UBE3C: variants seen among roughly 807,000 people sequenced by gnomAD.
UBE3C encodes the protein ubiquitin-protein ligase E3C.
Under a neutral mutation model 129.4 loss-of-function variants are expected in UBE3C, and 42 were observed. The ratio of observed to expected loss-of-function variants is 0.32; its 90% confidence interval spans 0.25 to 0.42. The LOEUF is 0.42. Ranked by LOEUF, UBE3C falls within the 10% of genes least tolerant of loss-of-function variation. The pLI, the probability that UBE3C is intolerant of heterozygous loss-of-function variation, is 1.00. For synonymous variants in UBE3C, 510 were observed against 492.4 expected, an observed-to-expected ratio of 1.04 and a Z score of -0.47; for missense variants, 1,049 against 1,319.1, an observed-to-expected ratio of 0.80 and a Z score of 3.17.
intron 11 of UBE3C, among the ~76,000 whole-genome samples, chr7:157,202,305 A>C (rs1015381096): frequency 3.3e-5 from 5 of 152,192 alleles, no homozygotes; most frequent in African/African-American, 1.2e-4. Flanking sequence ...CATACTTAAA[A>C]TCCTTCATGG....
intron 18 of UBE3C, among the ~76,000 whole-genome samples, chr7:157,237,242 C>T (rs112194007): frequency 0.013 from 2,044 of 151,722 alleles, 29 homozygotes; most frequent in South Asian, 0.047. Flanking sequence ...GAGATCGAGA[C>T]CATCCTGGCT....
At chr7:157,173,453 G>T (rs1441065210) in intron 4 of UBE3C, among the ~76,000 whole-genome samples, 2 of 152,178 alleles carry the variant, frequency 1.3e-5, no homozygotes, top group Non-Finnish European at 2.9e-5. Flanking sequence ...CACATTGTTT[G>T]CCTTCTACTC....
chr7:157,171,092 C>T (rs997248332), intron 4 of UBE3C, among the ~76,000 whole-genome samples: 1 of 149,762 alleles, frequency 6.7e-6, no homozygotes, highest in African/African-American at 2.5e-5. Flanking sequence ...GAATTATAGG[C>T]GTGAGCCACT....
intron 7 of UBE3C, 126 bp from the exon 8 acceptor site, chr7:157,181,982 T>C: frequency 9.7e-7 from 1 of 1,035,802 alleles, no homozygotes; most frequent in Non-Finnish European, 1.4e-6. Context: ...ATTAAAATGG[T>C]TAACTTGGCT....
intron 1 of UBE3C, among the ~76,000 whole-genome samples, chr7:157,144,820 A>C (rs971036630): frequency 2.1e-4 from 32 of 152,218 alleles, no homozygotes; most frequent in African/African-American, 7.5e-4. Context: ...AATGTGGATC[A>C]TCAGTTACAA....
rs1335268845 is a variant in UBE3C at position 157,139,163 on chromosome 7, C to T, written c.-110C>T. On this transcript the variant is annotated 5_prime_UTR_variant, in exon 1 of 23. Transcript: ENST00000348165. ...TCGCCTCCCGGCCGCCGCGTCCTCG[C>T]TGCCCCGGGCCGGGCGGGCGGGCGC... 1.3e-6 allele frequency: 1 copy of T among 755,914 alleles called. No individual in the cohort carries two copies. The highest frequency in any genetic ancestry group is 1.6e-6 in the Non-Finnish European group (1 of 611,244). The allele number at this position is 755,914 out of a possible 1,614,324, so 46.8% of individuals were successfully genotyped here. A position where few individuals can be genotyped will look rare whatever the true frequency, so the allele number is the denominator to read the frequency against.
At chr7:157,234,921 G>A (rs1796115059) in intron 18 of UBE3C, among the ~76,000 whole-genome samples, 1 of 152,154 alleles carries the variant, frequency 6.6e-6, no homozygotes, top group Non-Finnish European at 1.5e-5. Flanking sequence ...GCCAGGCATG[G>A]TGGATCACAC....
intron 1 of UBE3C, among the ~76,000 whole-genome samples, chr7:157,145,550 A>G (rs1807582247): frequency 1.3e-5 from 2 of 152,112 alleles, no homozygotes; most frequent in South Asian, 2.1e-4. Context: ...CTCATTGCAT[A>G]TTCATCCATC....
At chr7:157,253,482 C>A (rs1403920430) in intron 19 of UBE3C, among the ~76,000 whole-genome samples, 1 of 152,166 alleles carries the variant, frequency 6.6e-6, no homozygotes, top group African/African-American at 2.4e-5. Context: ...AATTAAAGTG[C>A]TTTATAGTAA....
At position 157,146,662 on chromosome 7, in the gene UBE3C, C is replaced by CT. The variant is rs199807302; in HGVS notation, c.66+7332dup. On this transcript the variant is annotated intron_variant, in intron 1 of 22. Coordinates refer to ENST00000348165, the MANE Select transcript of UBE3C (RefSeq NM_014671.3). ...TACTTAGTATATATATTAAACTAAA[C>CT]TTTTTTTTAATTTGAGAGGGAGCCT... Among the ~76,000 whole-genome samples, 616 of 151,376 alleles carry CT rather than the reference C, an allele frequency of 4.1e-3. 2 individuals are homozygous for CT. The highest frequency in any genetic ancestry group is 0.014 in the African/African-American group (569 of 41,326).
chr7:157,181,700 G>T, intron 7 of UBE3C, 29 bp downstream of exon 7: 2 of 1,607,386 alleles, frequency 1.2e-6, no homozygotes, highest in Non-Finnish European at 1.7e-6. Flanking sequence ...TATTGATTTT[G>T]TCCTTTCACA....
chr7:157,232,685 A>G (rs1249129782), intron 18 of UBE3C, among the ~76,000 whole-genome samples: 1 of 152,198 alleles, frequency 6.6e-6, no homozygotes, highest in Non-Finnish European at 1.5e-5. Flanking sequence ...TTAGAAATTA[A>G]TGTTGCTATT....
At chr7:157,148,107 G>GTT (rs71303924) in intron 1 of UBE3C, among the ~76,000 whole-genome samples, 1 of 151,920 alleles carries the variant, frequency 6.6e-6, no homozygotes, top group Admixed American at 6.6e-5. Context: ...GTTTTATTTT[G>GTT]TTTTTTTGAG....
intron 10 of UBE3C, among the ~76,000 whole-genome samples, chr7:157,193,921 G>A (rs754741950): frequency 1.3e-4 from 20 of 152,046 alleles, no homozygotes; most frequent in East Asian, 1.9e-4. Context: ...CTCTCCTAAC[G>A]TAAATCTCTA....
At chr7:157,187,404 T>A (rs1223187819) in intron 10 of UBE3C, among the ~76,000 whole-genome samples, 2 of 149,444 alleles carry the variant, frequency 1.3e-5, no homozygotes, top group African/African-American at 2.5e-5. Flanking sequence ...TTCTTCTTCT[T>A]CAGACAGCAT....
chr7:157,210,156 G>A (rs193034853), intron 13 of UBE3C, among the ~76,000 whole-genome samples: 15 of 152,230 alleles, frequency 9.9e-5, no homozygotes, highest in African/African-American at 3.1e-4. Flanking sequence ...CAGCCTGGGC[G>A]GTAGGGTGAC....
chr7:157,141,217 G>A (rs1807439193), intron 1 of UBE3C, among the ~76,000 whole-genome samples: 1 of 152,160 alleles, frequency 6.6e-6, no homozygotes, highest in African/African-American at 2.4e-5. Context: ...CCTGGTTAAG[G>A]AATCTGGGTG....
At chr7:157,221,896 G>C (rs1795748160) in intron 15 of UBE3C, 2 of 151,976 alleles carry the variant, frequency 1.3e-5, no homozygotes, top group South Asian at 4.2e-4. Flanking sequence ...TTGGAGACAG[G>C]GTCTCACTGT....
At chr7:157,139,400 G>GGGACTCGGGGTT (rs200844106) in intron 1 of UBE3C, 62 bp downstream of exon 1, 731,300 of 1,180,892 alleles carry the variant, frequency 0.62, 271,557 homozygotes, top group Non-Finnish European at 0.66. Flanking sequence ...GCTCGGGGCT[G>GGGACTCGGGGTT]GGACTCGGGG....
Sources: gnomAD v4.1 joint callset for allele counts (sites outside exome capture counted in the v4.1 genomes callset) on GRCh38, gnomAD v4.1.1 for gene constraint, MANE v1.5 for transcripts, NCBI Gene and HGNC (gene_info 2026-07-23, HGNC 2026-07-21) for gene names.